The following SPMIP7 variants were observed in gnomAD, a reference collection of about 807,000 sequenced individuals.
SPMIP7 encodes sperm microtubule inner protein 7, also known as protein SPMIP7.
chr7:50,120,972 TA>T, the SPMIP7 span, among the ~76,000 whole-genome samples: 2 of 152,204 alleles, frequency 1.3e-5, no homozygotes, highest in African/African-American at 4.8e-5. Flanking sequence ...TTGCATAGTG[TA>T]CTTCACTTTC....
the SPMIP7 span, among the ~76,000 whole-genome samples, chr7:50,149,941 T>C: frequency 6.6e-6 from 1 of 152,148 alleles, no homozygotes; most frequent in Non-Finnish European, 1.5e-5. Flanking sequence ...AGGCTGAGGC[T>C]AGAAGGCTCC....
chr7:50,123,220 T>C, the SPMIP7 span, among the ~76,000 whole-genome samples: 5 of 120,614 alleles, frequency 4.1e-5, no homozygotes, highest in Non-Finnish European at 6.8e-5. Context: ...ATATACACCA[T>C]GGAATACTAT....
chr7:50,125,637 T>A, the SPMIP7 span, among the ~76,000 whole-genome samples: 1 of 151,002 alleles, frequency 6.6e-6, no homozygotes, highest in Admixed American at 6.6e-5. Context: ...TATATTAGAA[T>A]ATTATTCAGC....
the SPMIP7 span, among the ~76,000 whole-genome samples, chr7:50,118,421 A>G: frequency 2.6e-5 from 4 of 152,228 alleles, no homozygotes; most frequent in African/African-American, 9.6e-5. Context: ...TGTCAAACTC[A>G]TAATCCTGTG....
the SPMIP7 span, among the ~76,000 whole-genome samples, chr7:50,149,162 G>A: frequency 6.6e-6 from 1 of 151,636 alleles, no homozygotes; most frequent in Non-Finnish European, 1.5e-5. Flanking sequence ...AAAAAATGTG[G>A]GAGTGGGAGC....
chr7:50,157,212 A>G, the SPMIP7 span, among the ~76,000 whole-genome samples: 2 of 152,188 alleles, frequency 1.3e-5, no homozygotes, highest in African/African-American at 2.4e-5. Flanking sequence ...CTCCCACACC[A>G]TATTTGGAGC....
At chr7:50,126,704 T>G in the SPMIP7 span, among the ~76,000 whole-genome samples, 1 of 152,046 alleles carries the variant, frequency 6.6e-6, no homozygotes, top group African/African-American at 2.4e-5. Context: ...ATCTCAGGAA[T>G]GCAAATATTC....
chr7:50,106,724 GC>G, the SPMIP7 span, among the ~76,000 whole-genome samples: 1 of 152,092 alleles, frequency 6.6e-6, no homozygotes, highest in Admixed American at 6.6e-5. Flanking sequence ...TCCATATGTT[GC>G]AAATATGCGT....
At chr7:50,101,150 G>T in the SPMIP7 span, among the ~76,000 whole-genome samples, 1 of 152,192 alleles carries the variant, frequency 6.6e-6, no homozygotes, top group Non-Finnish European at 1.5e-5. Context: ...TACTTCCCAT[G>T]TTGACATTGG....
chr7:50,121,858 T>C, the SPMIP7 span, among the ~76,000 whole-genome samples: 3 of 151,912 alleles, frequency 2.0e-5, no homozygotes, highest in South Asian at 2.1e-4. Context: ...AGTTTCACCA[T>C]GTTGACCAGG....
chr7:50,129,853 A>G, the SPMIP7 span: 2 of 1,070,872 alleles, frequency 1.9e-6, no homozygotes, highest in Non-Finnish European at 2.8e-6. Flanking sequence ...CCTTTATGAC[A>G]CATCCTCTTT....
At chr7:50,150,191 C>T in the SPMIP7 span, among the ~76,000 whole-genome samples, 1 of 152,112 alleles carries the variant, frequency 6.6e-6, no homozygotes, top group Non-Finnish European at 1.5e-5. Context: ...TGGATATAAC[C>T]AAGGCAGCCA....
At chr7:50,136,282 T>C in the SPMIP7 span, 173 of 725,994 alleles carry the variant, frequency 2.4e-4, 8 homozygotes, top group South Asian at 2.8e-3. Context: ...TGTTCTCTGA[T>C]GGAGAGCATC....
At chr7:50,109,296 A>G in the SPMIP7 span, among the ~76,000 whole-genome samples, 1 of 152,168 alleles carries the variant, frequency 6.6e-6, no homozygotes, top group Non-Finnish European at 1.5e-5. Context: ...ATATTAGCCT[A>G]AAGAATAATA....
At chr7:50,132,141 A>G in the SPMIP7 span, among the ~76,000 whole-genome samples, 1 of 152,132 alleles carries the variant, frequency 6.6e-6, no homozygotes, top group Non-Finnish European at 1.5e-5. Flanking sequence ...ACATGAGGAA[A>G]AAGTCTTGTT....
At chr7:50,151,701 A>G in the SPMIP7 span, 4 of 616,754 alleles carry the variant, frequency 6.5e-6, no homozygotes, top group Non-Finnish European at 1.1e-5. Flanking sequence ...CGAAACAGAA[A>G]AAAAGATAAT....
chr7:50,129,406 T>A, the SPMIP7 span, among the ~76,000 whole-genome samples: 3 of 152,056 alleles, frequency 2.0e-5, no homozygotes, highest in Non-Finnish European at 1.5e-5. Context: ...CGTTCTAAAA[T>A]TTTTTTAATT....
chr7:50,110,930 T>C, the SPMIP7 span, among the ~76,000 whole-genome samples: 4 of 137,230 alleles, frequency 2.9e-5, no homozygotes, highest in African/African-American at 1.1e-4. Flanking sequence ...AGCTAATATA[T>C]AATATGTAAA....
chr7:50,135,760 C>T, the SPMIP7 span, among the ~76,000 whole-genome samples: 4 of 152,106 alleles, frequency 2.6e-5, no homozygotes, highest in African/African-American at 7.2e-5. Context: ...CCTGGGTTTG[C>T]AGAGGGTAGA....
Sources: allele counts gnomAD v4.1 joint callset (sites outside exome capture counted in the v4.1 genomes callset), GRCh38; gene constraint gnomAD v4.1.1; transcripts MANE v1.5; gene names NCBI Gene and HGNC (gene_info 2026-07-23, HGNC 2026-07-21).